PFKFB3: variants seen among roughly 807,000 people sequenced by gnomAD.
PFKFB3 encodes 6-phosphofructo-2-kinase/fructose-2,6-bisphosphatase 3.
PFKFB3 carries 33 observed loss-of-function variants against 68.0 expected under a neutral mutation model. The observed-to-expected ratio is 0.49, with a 90% CI of 0.37 to 0.65. The LOEUF is 0.65. Among genes scored for constraint, PFKFB3 ranks in the 30% least tolerant of loss-of-function variants. The pLI is 0.00. For missense variants in PFKFB3, 586 were observed against 712.2 expected (o/e 0.82, Z 2.02); for synonymous variants, 315 against 288.2 (o/e 1.09, Z -0.94).
At chr10:6,277,921 G>GT in the PFKFB3 span, 8,030 of 155,458 alleles carry the variant, frequency 0.052, 261 homozygotes, top group African/African-American at 0.12. Context: ...TGTATTAATA[G>GT]TTTTTTTTTT....
chr10:6,177,821 CCAGGATGTTTCTGATGCAGGGA>C (rs1291406528), intron 1 of PFKFB3, among the ~76,000 whole-genome samples: 7 of 152,118 alleles, frequency 4.6e-5, no homozygotes, highest in African/African-American at 1.7e-4. Context: ...CCGTGCCTGG[CCAGGATGTTTCTGATGCAGGGA>C]TAAGGTGGGG....
chr10:6,233,744 G>C lies in PFKFB3; in HGVS notation c.*802G>C, dbSNP rs903868264. 6.5e-6 allele frequency: 1 copy of C among 152,920 alleles called. No homozygotes were observed. Among genetic ancestry groups the C allele is most frequent in the African/African-American group, 2.4e-5 (1 of 41,482 alleles). The allele number at this position is 152,920 out of a possible 1,614,324, so 9.5% of individuals were successfully genotyped here. A position where few individuals can be genotyped will look rare whatever the true frequency, so the allele number is the denominator to read the frequency against. ...GAGAAACACTTTCCTGGAGCTGCTGGCTTTTGCACTTTTTTGATGGCAGAA... is the reference window on the plus strand; with the variant it reads ...GAGAAACACTTTCCTGGAGCTGCTGCCTTTTGCACTTTTTTGATGGCAGAA... On this transcript the variant is annotated 3_prime_UTR_variant, in exon 15 of 15. Transcript: ENST00000379775.
rs76341950 is a variant in PFKFB3 at position 6,221,182 on chromosome 10, C to T, written c.832-199C>T. Among the ~76,000 whole-genome samples, 564 of 152,118 alleles carry T rather than the reference C, an allele frequency of 3.7e-3. 5 individuals carry two copies. Among genetic ancestry groups the T allele is most frequent in the Middle Eastern group, 0.014 (4 of 294 alleles). On this transcript the variant is annotated intron_variant, in intron 8 of 14. Transcript: ENST00000379775. ...TGTGTGTGATGTGTGCGCGGTTGTG[C>T]ACTAGGAAGGGAAGGGGCAGGAAGA... is the stretch of plus-strand genomic sequence containing the variant.
chr10:6,158,256 T>C (rs569445144), intron 1 of PFKFB3, among the ~76,000 whole-genome samples: 2 of 152,036 alleles, frequency 1.3e-5, no homozygotes, highest in South Asian at 4.2e-4. Context: ...GCCACTGCAC[T>C]CCAGCCTGGG....
intron 1 of PFKFB3, among the ~76,000 whole-genome samples, chr10:6,186,727 G>A (rs1029108318): frequency 6.6e-6 from 1 of 152,106 alleles, no homozygotes. Flanking sequence ...CAAACTCCTG[G>A]TCTCAAGCCA....
the PFKFB3 span, chr10:6,294,400 G>T: frequency 3.3e-6 from 1 of 300,352 alleles, no homozygotes; most frequent in Non-Finnish European, 6.6e-6. Flanking sequence ...CAAAGGAGGA[G>T]CAAAGTCATG....
chr10:6,307,980 C>T, the PFKFB3 span, among the ~76,000 whole-genome samples: 91 of 152,260 alleles, frequency 6.0e-4, 1 homozygote, highest in East Asian at 7.5e-3. Flanking sequence ...CTTTCTCTCA[C>T]GCTCTTGCTT....
chr10:6,151,089 T>A (rs79259094), intron 1 of PFKFB3, among the ~76,000 whole-genome samples: 6,902 of 152,036 alleles, frequency 0.045, 239 homozygotes, highest in Admixed American at 0.1. Context: ...GTTGAGACGG[T>A]GGACCAGGAC....
intron 14 of PFKFB3, among the ~76,000 whole-genome samples, chr10:6,247,747 G>A (rs34760732): frequency 6.6e-5 from 10 of 152,124 alleles, no homozygotes; most frequent in African/African-American, 2.4e-4. Flanking sequence ...TGACAGGGGT[G>A]TCTCATATGA....
the PFKFB3 span, among the ~76,000 whole-genome samples, chr10:6,298,605 A>C: frequency 6.6e-6 from 1 of 152,024 alleles, no homozygotes; most frequent in African/African-American, 2.4e-5. Context: ...GCCTCAAGCA[A>C]TCCTCCTGCC....
At chr10:6,221,360 T>TC (rs1564634341) in intron 8 of PFKFB3, 21 bp from the exon 9 acceptor site, 10 of 1,612,704 alleles carry the variant, frequency 6.2e-6, no homozygotes, top group South Asian at 2.2e-5. Flanking sequence ...GAATCAGTGG[T>TC]CCCCCTCCAC....
downstream of PFKFB3, among the ~76,000 whole-genome samples, chr10:6,236,426 A>AT (rs201724899): frequency 2.5e-4 from 38 of 151,980 alleles, no homozygotes; most frequent in African/African-American, 7.5e-4. Flanking sequence ...GCTTGGTCTG[A>AT]TTTTTTTTCC....
chr10:6,224,131 C>A lies in PFKFB3; in HGVS notation c.1277-18C>A. ...CCTTTAACAGCAGCTTCCTCTGCCC[C>A]CATCCCACGCCCTCCAGGCTGCCGT... On this transcript the variant is annotated intron_variant, in intron 12 of 14. Coordinates refer to ENST00000379775, the MANE Select transcript of PFKFB3 (RefSeq NM_004566.4). 1 of 1,614,158 alleles carries A rather than the reference C, an allele frequency of 6.2e-7. No individual in the cohort carries two copies. Among genetic ancestry groups the A allele is most frequent in the Non-Finnish European group, 8.5e-7 (1 of 1,179,964 alleles).
chr10:6,244,512 T>C (rs1215035342), intron 14 of PFKFB3, among the ~76,000 whole-genome samples: 10 of 152,162 alleles, frequency 6.6e-5, no homozygotes, highest in Admixed American at 6.5e-4. Context: ...AGAAAAGCTG[T>C]ATTTAGCAGG....
intron 14 of PFKFB3, among the ~76,000 whole-genome samples, chr10:6,243,636 A>G (rs1462986260): frequency 1.3e-5 from 2 of 152,196 alleles, no homozygotes; most frequent in African/African-American, 4.8e-5. Context: ...GAGCTCCTCA[A>G]ATGGAGTGGG....
the PFKFB3 span, among the ~76,000 whole-genome samples, chr10:6,307,400 G>A: frequency 4.2e-3 from 631 of 151,874 alleles, 7 homozygotes; most frequent in African/African-American, 0.015. Flanking sequence ...TCTGGAGAAC[G>A]CAATCAGGAT....
exon 15 of PFKFB3, chr10:6,254,353 C>T (rs1013282766): frequency 7.8e-5 from 31 of 398,380 alleles, no homozygotes; most frequent in Admixed American, 2.2e-4. Flanking sequence ...TCTGGCTCTG[C>T]GGCAAGCGGC....
intron 1 of PFKFB3, chr10:6,145,125 C>T (rs1031486703): frequency 4.1e-5 from 35 of 860,280 alleles, no homozygotes; most frequent in East Asian, 6.8e-5. Flanking sequence ...ACTGTGCACC[C>T]GGGCTGCGGC....
intron 1 of PFKFB3, among the ~76,000 whole-genome samples, chr10:6,180,319 A>G (rs1436149778): frequency 6.6e-6 from 1 of 152,202 alleles, no homozygotes; most frequent in African/African-American, 2.4e-5. Flanking sequence ...ACCATGTAAT[A>G]TTTTTTCCTA....
Sources: allele counts gnomAD v4.1 joint callset (sites outside exome capture counted in the v4.1 genomes callset), GRCh38; gene constraint gnomAD v4.1.1; transcripts MANE v1.5; gene names NCBI Gene and HGNC (gene_info 2026-07-23, HGNC 2026-07-21).